The following POGLUT2 variants were observed in gnomAD, a reference collection of about 807,000 sequenced individuals.
POGLUT2 encodes protein O-glucosyltransferase 2.
A neutral mutation model predicts 57.6 loss-of-function variants in POGLUT2; 47 were observed. That is an observed-to-expected ratio of 0.82 (90% CI 0.65 to 1.04). POGLUT2 has a LOEUF of 1.04. Ranked by LOEUF, POGLUT2 falls within the 50% of genes least tolerant of loss-of-function variation. The pLI, the probability that POGLUT2 is intolerant of heterozygous loss-of-function variation, is 0.00. For synonymous variants in POGLUT2, 200 were observed against 218.8 expected, an observed-to-expected ratio of 0.91 and a Z score of 0.76; for missense variants, 565 against 614.8, an observed-to-expected ratio of 0.92 and a Z score of 0.86.
chr13:102,793,358 G>A lies in POGLUT2; in HGVS notation c.655C>T (p.Leu219Phe). The A allele has an allele frequency of 6.4e-7, 1 of 1,563,574 alleles. No homozygotes were observed. Among genetic ancestry groups the A allele is most frequent in the Non-Finnish European group, 8.8e-7 (1 of 1,134,758 alleles). Residue 219 changes from leucine to phenylalanine, a missense_variant, in exon 4 of 10, where the codon CTT becomes TTT. Coordinates refer to ENST00000376004, the MANE Select transcript of POGLUT2 (RefSeq NM_024089.3). ...GFRIFMDAIL[L>F]SLTRKVKMPD... ...ATACTTACCTTTCTAGTCAAAGAAA[G>A]TAGTATGGCATCCATGAAAATTCTA...
intron 4 of POGLUT2, chr13:102,792,047 C>T: frequency 7.8e-7 from 1 of 1,289,116 alleles, no homozygotes; most frequent in Non-Finnish European, 1.0e-6. Context: ...TCTCATTTTC[C>T]CATGGATTGA....
At position 102,796,887 on chromosome 13, in the gene POGLUT2, CTGTATCTTACTA is replaced by C. The variant is rs1878417970; in HGVS notation, c.293_304del (p.Ile98_Tyr101del). 1 of 1,610,442 alleles carries C rather than the reference CTGTATCTTACTA, an allele frequency of 6.2e-7. No homozygotes were observed. Among genetic ancestry groups the C allele is most frequent in the Non-Finnish European group, 8.5e-7 (1 of 1,176,982 alleles). ...CAGATTTTTGTAGCTTGCATACATT[CTGTATCTTACTA>C]TGAAGGACCCATCTTTTCGGTCTAA... On this transcript the variant is annotated inframe_deletion, in exon 2 of 10. Transcript: ENST00000376004.
chr13:102,791,603 A>AT (rs1336324116), intron 4 of POGLUT2, among the ~76,000 whole-genome samples, 173 bp from the exon 5 acceptor site: 18 of 152,370 alleles, frequency 1.2e-4, no homozygotes, highest in African/African-American at 4.1e-4. Context: ...GGTCACATGT[A>AT]TAAGTATTCT....
intron 4 of POGLUT2, 193 bp downstream of exon 4, chr13:102,793,148 T>C (rs958441672): frequency 1.1e-5 from 6 of 527,204 alleles, no homozygotes; most frequent in Non-Finnish European, 2.0e-5. Flanking sequence ...AGGCTTCCAG[T>C]TTGTAGCACT....
At chr13:102,794,153 C>T (rs886806041) in intron 2 of POGLUT2, among the ~76,000 whole-genome samples, 4 of 152,066 alleles carry the variant, frequency 2.6e-5, no homozygotes, top group Non-Finnish European at 1.5e-5. Context: ...GGGAGGATCA[C>T]TTGAGCCCAG....
intron 2 of POGLUT2, among the ~76,000 whole-genome samples, chr13:102,796,227 G>A (rs901911331): frequency 6.7e-5 from 10 of 150,116 alleles, no homozygotes; most frequent in South Asian, 6.3e-4. Context: ...CCCGGAAGGC[G>A]GAGCTTGCAG....
chr13:102,798,707 T>TGAA lies in POGLUT2; in HGVS notation c.-40_-38dup, dbSNP rs766443354. 16 of 1,549,300 alleles carry TGAA rather than the reference T, an allele frequency of 1.0e-5. No individual in the cohort carries two copies. The African/African-American group carries it at 1.8e-4, about 17-fold the overall frequency. On this transcript the variant is annotated 5_prime_UTR_variant, in exon 1 of 10. Transcript: ENST00000376004. ...ACTCTCGAAATGATCCACCGATAAATGAAGAAGTGTAAGAGGTGGACAGAA... is the reference window on the plus strand; with the variant it reads ...ACTCTCGAAATGATCCACCGATAAATGAAGAAGAAGTGTAAGAGGTGGACAGAA...
At position 102,790,973 on chromosome 13, in the gene POGLUT2, A is replaced by G. The variant is rs1232555586; in HGVS notation, c.1011T>C (p.Phe337=). ...PELIDAAFTN[F]FFFKHDENLY... Reference sequence around the variant, plus strand: ...GGTTTTCATCGTGTTTAAAGAAGAAAAAGTTGGTGAAAGCAGCGTCTATGA... The same window carrying G: ...GGTTTTCATCGTGTTTAAAGAAGAAGAAGTTGGTGAAAGCAGCGTCTATGA... The change falls in exon 6 of 10, where the codon TTT becomes TTC. Residue 337 remains phenylalanine, a synonymous_variant. Coordinates refer to ENST00000376004, the MANE Select transcript of POGLUT2 (RefSeq NM_024089.3). 12 of 1,614,054 alleles carry G rather than the reference A, an allele frequency of 7.4e-6. No individual in the cohort carries two copies. Among genetic ancestry groups the G allele is most frequent in the Non-Finnish European group, 8.5e-6 (10 of 1,180,008 alleles).
chr13:102,791,771 G>A (rs1201541653), intron 4 of POGLUT2, among the ~76,000 whole-genome samples: 1 of 152,120 alleles, frequency 6.6e-6, no homozygotes, highest in Admixed American at 6.5e-5. Context: ...GAGCCAGATG[G>A]TTCCATTTTA....
chr13:102,787,718 G>T, intron 8 of POGLUT2, 116 bp downstream of exon 8: 2 of 475,750 alleles, frequency 4.2e-6, no homozygotes, highest in South Asian at 1.2e-4. Flanking sequence ...TTCATCCACA[G>T]AAGTATATAT....
At chr13:102,786,845 T>C (rs1274084207) in intron 8 of POGLUT2, among the ~76,000 whole-genome samples, 2 of 152,150 alleles carry the variant, frequency 1.3e-5, no homozygotes, top group African/African-American at 4.8e-5. Flanking sequence ...TTACACGGTT[T>C]GTCCTCTGCT....
At chr13:102,789,482 A>T (rs1161308659) in intron 6 of POGLUT2, among the ~76,000 whole-genome samples, 1 of 152,246 alleles carries the variant, frequency 6.6e-6, no homozygotes, top group East Asian at 1.9e-4. Flanking sequence ...TGCTGTCCTA[A>T]GGCTGCAACA....
intron 7 of POGLUT2, among the ~76,000 whole-genome samples, chr13:102,788,581 G>A (rs1878044284): frequency 6.6e-6 from 1 of 152,148 alleles, no homozygotes; most frequent in Admixed American, 6.5e-5. Flanking sequence ...CCGCCTCCCA[G>A]GTTCAAGTGA....
Position 102,793,330 on chromosome 13 carries a change from T to C in POGLUT2, c.672+11A>G, listed in dbSNP as rs1186939898. The C allele has an allele frequency of 7.0e-7, 1 of 1,420,778 alleles. No homozygotes were observed. The highest frequency in any genetic ancestry group is 1.2e-5 in the South Asian group (1 of 84,774). 88.0% of individuals were successfully genotyped at this position (1,420,778 alleles called of 1,614,324 possible). ...ATTATCTATTACAGCTAAGAGAAAA[T>C]ATATACTTACCTTTCTAGTCAAAGA... On this transcript the variant is annotated intron_variant, in intron 4 of 9. Transcript: ENST00000376004.
chr13:102,787,983 T>G, intron 7 of POGLUT2, 60 bp from the exon 8 acceptor site: 2 of 971,106 alleles, frequency 2.1e-6, no homozygotes, highest in Non-Finnish European at 3.2e-6. Flanking sequence ...TGCAGGCATC[T>G]GCAAACTGCT....
intron 8 of POGLUT2, 83 bp downstream of exon 8, chr13:102,787,751 T>G: frequency 1.5e-6 from 1 of 674,754 alleles, no homozygotes; most frequent in Middle Eastern, 3.2e-4. Context: ...TAACATATGT[T>G]TAGAAATTGT....
At chr13:102,797,496 G>A (rs960873265) in intron 1 of POGLUT2, among the ~76,000 whole-genome samples, 5 of 152,060 alleles carry the variant, frequency 3.3e-5, no homozygotes, top group African/African-American at 1.2e-4. Flanking sequence ...GGGAGGCCAA[G>A]GAGGGAAGAC....
chr13:102,784,724 T>G (rs1370701177), intron 9 of POGLUT2, among the ~76,000 whole-genome samples: 1 of 152,158 alleles, frequency 6.6e-6, no homozygotes, highest in African/African-American at 2.4e-5. Flanking sequence ...AACCCAAACA[T>G]CCATGGGCTG....
At position 102,791,581 on chromosome 13, in the gene POGLUT2, G is replaced by A. The variant is rs1422561120; in HGVS notation, c.673-151C>T. ...TACCTTGGTTTGAATAGTGGGCAAT[G>A]TTTCAGAATATGGTCACATGTATAA... On this transcript the variant is annotated intron_variant, in intron 4 of 9. Coordinates refer to ENST00000376004, the MANE Select transcript of POGLUT2 (RefSeq NM_024089.3). 6 of 757,166 alleles carry A rather than the reference G, an allele frequency of 7.9e-6. No homozygotes were observed. In the East Asian group the frequency reaches 1.0e-4, roughly 13 times the overall value. 46.9% of individuals were successfully genotyped at this position (757,166 alleles called of 1,614,324 possible).
Sources: gnomAD v4.1 joint callset for allele counts (sites outside exome capture counted in the v4.1 genomes callset) on GRCh38, gnomAD v4.1.1 for gene constraint, MANE v1.5 for transcripts, NCBI Gene and HGNC (gene_info 2026-07-23, HGNC 2026-07-21) for gene names.